The following TNS1 variants were observed in gnomAD, a reference collection of about 807,000 sequenced individuals.
TNS1 encodes tensin 1, also known as tensin-1.
Under a neutral mutation model 168.6 loss-of-function variants are expected in TNS1, and 62 were observed. The ratio of observed to expected loss-of-function variants is 0.37; its 90% CI spans 0.30 to 0.45. The LOEUF (loss-of-function observed/expected upper bound fraction) is 0.45, where lower values mean the gene tolerates loss of function less well. Among genes scored for constraint, TNS1 ranks in the 20% least tolerant of loss-of-function variants. The pLI is 1.00. For synonymous variants in TNS1, 934 were observed against 933.2 expected (o/e 1.00, Z -0.02); for missense variants, 2,240 against 2,339.4 (o/e 0.96, Z 0.88).
At position 217,891,025 on chromosome 2, in the gene TNS1, C is replaced by A. The variant is rs756335612; in HGVS notation, c.803G>T (p.Arg268Leu). The A allele has an allele frequency of 3.1e-6, 5 of 1,614,082 alleles. No individual in the cohort carries two copies. The highest frequency in any genetic ancestry group is 2.2e-5 in the East Asian group (1 of 44,892). ...CTCATAGAACCGCTTCATTGCAAAC[C>A]GGTCCAGAGCCTGGTCCGCACTGCA... ...ISASADQALD[R>L]FAMKRFYEDK... Residue 268 changes from arginine (R) to leucine (L), a missense_variant, in exon 12 of 33, where the codon CGG becomes CTG. By Grantham distance (102) the Arg-to-Leu change is moderately radical (BLOSUM62 -2). Coordinates refer to ENST00000682258, the MANE Select transcript of TNS1 (RefSeq NM_001387777.1).
In TNS1 at chr2:217,898,008, T is replaced by C. The variant is rs962422528; in HGVS notation, c.372-39A>G. On this transcript the variant is annotated intron_variant, in intron 7 of 32. Transcript: ENST00000682258. ...AGGCAGCGGAGGGTCCATATCAGAA[T>C]CCAGCCCACAGGGAAGGCCCCAGAT... is the stretch of plus-strand genomic sequence containing the variant. The C allele has an allele frequency of 7.1e-6, 11 of 1,557,320 alleles. No individual in the cohort carries two copies. In the African/African-American group the frequency reaches 9.6e-5, roughly 14 times the overall value.
At chr2:217,808,014 C>T in intron 32 of TNS1, 61 bp downstream of exon 32, 1 of 1,599,430 alleles carries the variant, frequency 6.3e-7, no homozygotes, top group Non-Finnish European at 8.6e-7. Flanking sequence ...GTGCCCCGTG[C>T]TTCCCTCACT....
At chr2:218,017,850 A>G (rs1445301574) in intron 1 of TNS1, among the ~76,000 whole-genome samples, 1 of 152,058 alleles carries the variant, frequency 6.6e-6, no homozygotes, top group Non-Finnish European at 1.5e-5. Context: ...CCAGCTGCAC[A>G]CTGCCCACCC....
chr2:217,871,658 C>T (rs1368028762), intron 18 of TNS1, among the ~76,000 whole-genome samples: 3 of 152,274 alleles, frequency 2.0e-5, no homozygotes, highest in African/African-American at 7.2e-5. Context: ...CACAGCCCCA[C>T]CCAGAGTGAG....
chr2:217,849,116 A>G, intron 18 of TNS1, 29 bp from the exon 19 acceptor site: 3 of 1,583,386 alleles, frequency 1.9e-6, no homozygotes, highest in Non-Finnish European at 2.6e-6. Context: ...GAGGGGAGAC[A>G]ACAGACAACA....
At chr2:217,868,999 T>C (rs999164244) in intron 18 of TNS1, among the ~76,000 whole-genome samples, 2 of 152,202 alleles carry the variant, frequency 1.3e-5, no homozygotes, top group African/African-American at 2.4e-5. Flanking sequence ...AGGAGATTTA[T>C]AGGGGATGAA....
In TNS1 at chr2:217,948,128, C is replaced by G. The variant is rs1020734319; in HGVS notation, c.187-27892G>C. 3.3e-5 allele frequency among the ~76,000 whole-genome samples: 5 copies of G among 152,226 alleles called. No individual in the cohort carries two copies. Among genetic ancestry groups the G allele is most frequent in the Non-Finnish European group, 7.3e-5 (5 of 68,040 alleles). On this transcript the variant is annotated intron_variant, in intron 3 of 32. Transcript: ENST00000682258. The surrounding 1 kb of genome is among the most constrained non-coding windows in gnomAD (Gnocchi z 4.1). Reference sequence around the variant, plus strand: ...GGCACCACATCACCCGACTCCCACACTCAAGGAGCCAGACTCTCAGGTTCT... The same window carrying G: ...GGCACCACATCACCCGACTCCCACAGTCAAGGAGCCAGACTCTCAGGTTCT...
At chr2:217,992,926 T>C (rs927492657) in intron 1 of TNS1, among the ~76,000 whole-genome samples, 1 of 152,302 alleles carries the variant, frequency 6.6e-6, no homozygotes, top group South Asian at 2.1e-4. Context: ...TTGCTGACGA[T>C]CAGAAATGCA....
rs5838678 is a variant in TNS1, at chr2:218,025,683, C to CTT, written c.156+8135_156+8136dup. On this transcript the variant is annotated intron_variant, in intron 1 of 1. Transcript: ENST00000649572. Reference sequence around the variant, plus strand: ...TGCCTGGGAGACAGGGGATTTCTTTCTTTTTTTTTTTAATTTCTGTTATTT... The same window carrying CTT: ...TGCCTGGGAGACAGGGGATTTCTTTCTTTTTTTTTTTTTAATTTCTGTTATTT... Among the ~76,000 whole-genome samples the CTT allele has an allele frequency of 1.1e-4, 17 of 148,510 alleles. 3 individuals carry two copies. The highest frequency in any genetic ancestry group is 6.7e-5 in the Admixed American group (1 of 14,948).
intron 6 of TNS1, chr2:217,905,302 C>A: frequency 2.5e-6 from 1 of 397,474 alleles, no homozygotes; most frequent in South Asian, 1.8e-5. Context: ...ATACCTTGAG[C>A]AGAACCTTCC....
At chr2:217,887,251 G>A (rs540835195) in intron 12 of TNS1, among the ~76,000 whole-genome samples, 48 of 152,266 alleles carry the variant, frequency 3.2e-4, no homozygotes, top group Admixed American at 7.2e-4. Context: ...CTTGGTATTC[G>A]AGGTAACTAG....
intron 3 of TNS1, among the ~76,000 whole-genome samples, chr2:217,969,680 C>T (rs148069272): frequency 1.0e-3 from 157 of 152,228 alleles, no homozygotes; most frequent in African/African-American, 3.3e-3. Context: ...CATGAAAAGA[C>T]ACTCAACATC....
chr2:218,016,148 A>C (rs985665295), intron 1 of TNS1, among the ~76,000 whole-genome samples: 1 of 151,126 alleles, frequency 6.6e-6, no homozygotes, highest in Non-Finnish European at 1.5e-5. Context: ...AGCCGCTCCC[A>C]CTGCAGCCCC....
At chr2:217,886,882 C>T (rs1951254580) in intron 12 of TNS1, among the ~76,000 whole-genome samples, 1 of 152,168 alleles carries the variant, frequency 6.6e-6, no homozygotes, top group African/African-American at 2.4e-5. Context: ...TCAAGTCAAG[C>T]ATCCCACTTG....
At chr2:218,010,248 G>C (rs542675299) in exon 1 of TNS1, 7 of 398,756 alleles carry the variant, frequency 1.8e-5, no homozygotes, top group Middle Eastern at 1.3e-3. Flanking sequence ...AGGTGGACCC[G>C]CCGCTCCTGG....
intron 25 of TNS1, 96 bp downstream of exon 25, chr2:217,814,816 A>G (rs921214727): frequency 9.9e-7 from 1 of 1,008,006 alleles, no homozygotes; most frequent in Non-Finnish European, 1.5e-6. Context: ...CCCTGCTACA[A>G]AGAGGACTGA....
intron 2 of TNS1, among the ~76,000 whole-genome samples, chr2:217,979,679 G>T (rs1421654727): frequency 6.6e-6 from 1 of 152,068 alleles, no homozygotes; most frequent in Admixed American, 6.5e-5. Flanking sequence ...AAGGGATTTG[G>T]TGACCTCCCT....
rs541200462 is a variant in TNS1 at position 217,802,146 on chromosome 2, G to A, written c.*2313C>T. Reference sequence around the variant, plus strand: ...TGAGATATTTACAAAGGAAGGGGATGGGAAATATCTCCTATCTTGGAAGAT... The same window carrying A: ...TGAGATATTTACAAAGGAAGGGGATAGGAAATATCTCCTATCTTGGAAGAT... On this transcript the variant is annotated 3_prime_UTR_variant, in exon 33 of 33. Coordinates refer to ENST00000682258, the MANE Select transcript of TNS1 (RefSeq NM_001387777.1). The A allele has an allele frequency of 1.3e-5, 2 of 152,330 alleles. No individual in the cohort carries two copies. The highest frequency in any genetic ancestry group is 1.9e-4 in the East Asian group (1 of 5,174). The allele number at this position is 152,330 out of a possible 1,614,324, so 9.4% of individuals were successfully genotyped here.
chr2:217,835,652 A>G (rs979368486), intron 20 of TNS1, among the ~76,000 whole-genome samples: 6 of 152,224 alleles, frequency 3.9e-5, no homozygotes, highest in African/African-American at 1.4e-4. Context: ...AAATCTCCTG[A>G]GAAAAACCTT....
Sources: gnomAD v4.1 joint callset for allele counts (sites outside exome capture counted in the v4.1 genomes callset) on GRCh38, gnomAD v4.1.1 for gene constraint, Gnocchi (gnomAD v3.1) non-coding constraint, MANE v1.5 for transcripts, NCBI Gene and HGNC (gene_info 2026-07-23, HGNC 2026-07-21) for gene names.